The following ABCA12 variants were observed in gnomAD, a reference collection of about 807,000 sequenced individuals.
ABCA12 encodes ATP binding cassette subfamily A member 12.
Under a neutral mutation model 293.5 loss-of-function variants are expected in ABCA12, and 156 were observed. The observed-to-expected ratio is 0.53, with a 90% confidence interval of 0.47 to 0.61. The LOEUF (loss-of-function observed/expected upper bound fraction) is 0.61, where lower values mean the gene tolerates loss of function less well. Among genes scored for constraint, ABCA12 ranks in the 20% least tolerant of loss-of-function variants. ABCA12 has a pLI of 0.00. For synonymous variants in ABCA12, 1,063 were observed against 1,108.0 expected (o/e 0.96, Z 0.81); for missense variants, 2,797 against 3,090.2 (o/e 0.91, Z 2.25).
At chr2:215,135,893 G>A (rs1387922922) in intron 1 of ABCA12, among the ~76,000 whole-genome samples, 1 of 152,104 alleles carries the variant, frequency 6.6e-6, no homozygotes, top group African/African-American at 2.4e-5. Flanking sequence ...AGACAGAGCT[G>A]ACCCTAGGCG....
intron 22 of ABCA12, among the ~76,000 whole-genome samples, chr2:214,999,572 G>A (rs1370893299): frequency 6.6e-6 from 1 of 152,152 alleles, no homozygotes; most frequent in Non-Finnish European, 1.5e-5. Context: ...AATACAGACT[G>A]CACACCCAGG....
chr2:214,980,405 T>C, intron 31 of ABCA12, 78 bp downstream of exon 31: 1 of 1,573,114 alleles, frequency 6.4e-7, no homozygotes, highest in Non-Finnish European at 8.7e-7. Flanking sequence ...ATGAATAAAG[T>C]TGGAGAGACT....
chr2:214,947,287 G>A (rs1698613075), intron 48 of ABCA12, 135 bp downstream of exon 48: 2 of 1,237,834 alleles, frequency 1.6e-6, no homozygotes, highest in Non-Finnish European at 2.4e-6. Flanking sequence ...TACATAAAGT[G>A]CTTTGCACAA....
intron 31 of ABCA12, among the ~76,000 whole-genome samples, chr2:214,979,984 G>A (rs1334401623): frequency 6.6e-6 from 1 of 152,172 alleles, no homozygotes; most frequent in Non-Finnish European, 1.5e-5. Flanking sequence ...CCGTTGACCT[G>A]TGCAAATTAC....
At chr2:214,997,961 G>A (rs1424047261) in intron 22 of ABCA12, 152 bp from the exon 23 acceptor site, 11 of 583,976 alleles carry the variant, frequency 1.9e-5, no homozygotes, top group Middle Eastern at 3.7e-4. Flanking sequence ...CATTATTTAC[G>A]AAGCATGAAG....
chr2:214,968,614 C>A (rs1699317129), intron 38 of ABCA12, 106 bp downstream of exon 38: 2 of 1,107,158 alleles, frequency 1.8e-6, no homozygotes, highest in Non-Finnish European at 2.7e-6. Flanking sequence ...TGCACAATGC[C>A]AAATCGATTG....
rs1332535622 is a variant in ABCA12 at position 214,982,471 on chromosome 2, C to T, written c.4383-88G>A. On this transcript the variant is annotated intron_variant, in intron 29 of 52. Coordinates refer to ENST00000272895, the MANE Select transcript of ABCA12 (RefSeq NM_173076.3). ...ACAATAACCCTAATTGATATGTATTCACTAGGTAACTATTATGTGCTCAGT... is the reference window on the plus strand; with the variant it reads ...ACAATAACCCTAATTGATATGTATTTACTAGGTAACTATTATGTGCTCAGT... 2.8e-5 allele frequency: 29 copies of T among 1,035,224 alleles called. 1 individual carries two copies. The Middle Eastern group carries it at 9.0e-4, about 32-fold the overall frequency. The allele number at this position is 1,035,224 out of a possible 1,614,324, so 64.1% of individuals were successfully genotyped here.
chr2:215,044,548 G>C (rs755283694), intron 7 of ABCA12: 6 of 152,138 alleles, frequency 3.9e-5, no homozygotes, highest in Non-Finnish European at 8.8e-5. Context: ...GAGATAAAAT[G>C]AGGGTTAACA....
intron 2 of ABCA12, among the ~76,000 whole-genome samples, chr2:215,101,763 G>T (rs751132831): frequency 6.6e-6 from 1 of 152,138 alleles, no homozygotes; most frequent in African/African-American, 2.4e-5. Context: ...AAAGAAAATG[G>T]AGGATTGAAG....
At chr2:214,993,051 C>T (rs901940451) in intron 23 of ABCA12, among the ~76,000 whole-genome samples, 3 of 152,132 alleles carry the variant, frequency 2.0e-5, no homozygotes, top group African/African-American at 7.2e-5. Flanking sequence ...ATTTTACTTT[C>T]TGCTTTGGTA....
intron 1 of ABCA12, among the ~76,000 whole-genome samples, chr2:215,133,892 T>A (rs1437135620): frequency 6.6e-6 from 1 of 152,076 alleles, no homozygotes; most frequent in Non-Finnish European, 1.5e-5. Flanking sequence ...TAGAGAAGCA[T>A]CAGGAAGTGA....
At chr2:214,960,779 A>C (rs916309889) in intron 39 of ABCA12, among the ~76,000 whole-genome samples, 1 of 152,134 alleles carries the variant, frequency 6.6e-6, no homozygotes, top group African/African-American at 2.4e-5. Flanking sequence ...GGAAGGGACA[A>C]TGTGTTAGTA....
chr2:214,975,674 C>A, intron 34 of ABCA12, 111 bp downstream of exon 34: 1 of 1,423,522 alleles, frequency 7.0e-7, no homozygotes, highest in South Asian at 1.2e-5. Context: ...GAATCAGGTA[C>A]CATGGCTTCT....
At chr2:214,972,938 T>C (rs1246869043) in intron 36 of ABCA12, among the ~76,000 whole-genome samples, 1 of 152,062 alleles carries the variant, frequency 6.6e-6, no homozygotes, top group Admixed American at 6.6e-5. Context: ...CTCAGCCTCC[T>C]GAGTAGCTGG....
intron 39 of ABCA12, 145 bp downstream of exon 39, chr2:214,966,703 A>G (rs1205960709): frequency 2.4e-5 from 18 of 742,810 alleles, no homozygotes; most frequent in Non-Finnish European, 3.6e-5. Context: ...GGCGATAGTT[A>G]CTACTTCTAA....
chr2:215,060,331 T>C (rs1260014951), intron 3 of ABCA12, among the ~76,000 whole-genome samples: 1 of 152,102 alleles, frequency 6.6e-6, no homozygotes, highest in African/African-American at 2.4e-5. Flanking sequence ...ACGAATTCAT[T>C]ATATTCTTAT....
At chr2:214,980,669 G>T in intron 30 of ABCA12, 26 bp from the exon 31 acceptor site, 1 of 1,613,820 alleles carries the variant, frequency 6.2e-7, no homozygotes, top group Non-Finnish European at 8.5e-7. Flanking sequence ...AAGAACAACA[G>T]GGAATGAAAC....
At chr2:215,065,584 T>G (rs1435335563) in intron 2 of ABCA12, among the ~76,000 whole-genome samples, 1 of 151,964 alleles carries the variant, frequency 6.6e-6, no homozygotes. Flanking sequence ...TGGAGAATGC[T>G]CTACTGTTGA....
chr2:215,111,554 A>G (rs202132214), intron 2 of ABCA12, 43 bp downstream of exon 2: 3 of 1,503,184 alleles, frequency 2.0e-6, no homozygotes, highest in African/African-American at 1.4e-5. Flanking sequence ...AATTTTAACT[A>G]GAATCCAAAA....
Sources: gnomAD v4.1 joint callset for allele counts (sites outside exome capture counted in the v4.1 genomes callset) on GRCh38, gnomAD v4.1.1 for gene constraint, MANE v1.5 for transcripts, NCBI Gene and HGNC (gene_info 2026-07-23, HGNC 2026-07-21) for gene names.